PEBP4: variants seen among roughly 807,000 people sequenced by gnomAD.
PEBP4 encodes the protein phosphatidylethanolamine binding protein 4, also known as phosphatidylethanolamine-binding protein 4.
A neutral mutation model predicts 23.9 loss-of-function variants in PEBP4; 22 were observed. The observed-to-expected ratio is 0.92, with a 90% confidence interval of 0.66 to 1.31. The LOEUF is 1.31. PEBP4 is among the 40% of genes most tolerant of loss of function. The pLI is 0.00. For missense variants in PEBP4, 324 were observed against 281.7 expected, an observed-to-expected ratio of 1.15 and a Z score of -1.07; for synonymous variants, 112 against 99.3, an observed-to-expected ratio of 1.13 and a Z score of -0.76.
chr8:22,760,939 C>T (rs146624918), intron 4 of PEBP4, among the ~76,000 whole-genome samples: 278 of 152,310 alleles, frequency 1.8e-3, no homozygotes, highest in African/African-American at 6.0e-3. Context: ...AAGGAGGTTT[C>T]GCGCACACCA....
At chr8:22,888,928 G>T (rs141493821) in intron 3 of PEBP4, among the ~76,000 whole-genome samples, 77 of 152,318 alleles carry the variant, frequency 5.1e-4, no homozygotes, top group African/African-American at 1.7e-3. Context: ...CTGGCCACAG[G>T]CTTACTCCGC....
At chr8:22,720,898 G>T (rs1017124654) in intron 6 of PEBP4, among the ~76,000 whole-genome samples, 1 of 152,202 alleles carries the variant, frequency 6.6e-6, no homozygotes, top group Non-Finnish European at 1.5e-5. Flanking sequence ...CCAAAACAGC[G>T]CCAAGTATAC....
intron 3 of PEBP4, among the ~76,000 whole-genome samples, chr8:22,867,379 G>C (rs1382225433): frequency 6.6e-6 from 1 of 152,112 alleles, no homozygotes; most frequent in Non-Finnish European, 1.5e-5. Context: ...CTCTTGCTCA[G>C]ATCCGAGCCT....
Position 22,927,491 on chromosome 8 carries a change from G to C in PEBP4, c.131+93C>G. 2.1e-6 allele frequency: 3 copies of C among 1,431,190 alleles called. No individual in the cohort carries two copies. In the South Asian group the frequency reaches 4.4e-5, roughly 21 times the overall value. The allele number at this position is 1,431,190 out of a possible 1,614,324, so 88.7% of individuals were successfully genotyped here. The stretch of plus-strand genomic sequence containing the variant: ...CCTTCCCATAAAATCAGGCTCAGGA[G>C]ATGGTGCTTCTTGGTTCTGGATATA... On this transcript the variant is annotated intron_variant, in intron 2 of 6. Transcript: ENST00000256404.
At chr8:22,765,826 G>GTGGATCACCGCCATTCA (rs1297616692) in intron 4 of PEBP4, among the ~76,000 whole-genome samples, 1 of 100,380 alleles carries the variant, frequency 1.0e-5, no homozygotes, top group African/African-American at 3.8e-5. Context: ...ATCACCACCT[G>GTGGATCACCGCCATTCA]TGGATCACCA....
intron 3 of PEBP4, among the ~76,000 whole-genome samples, chr8:22,836,565 T>A (rs1007150400): frequency 2.0e-5 from 3 of 152,224 alleles, no homozygotes; most frequent in African/African-American, 7.2e-5. Context: ...CTCTAGAGCA[T>A]CTGCCCACTC....
intron 3 of PEBP4, among the ~76,000 whole-genome samples, chr8:22,841,137 T>C (rs1807320064): frequency 2.0e-5 from 3 of 152,224 alleles, no homozygotes; most frequent in Admixed American, 2.0e-4. Context: ...AAGAGAAAAC[T>C]GAGGCTTAGG....
chr8:22,886,966 G>C (rs1289985586), intron 3 of PEBP4: 2 of 152,246 alleles, frequency 1.3e-5, no homozygotes, highest in African/African-American at 4.8e-5. Context: ...CAAAGTTGCA[G>C]GGTGTAGGGG....
intron 4 of PEBP4, among the ~76,000 whole-genome samples, chr8:22,765,151 T>TCC (rs71206546): frequency 5.3e-4 from 80 of 151,682 alleles, no homozygotes; most frequent in South Asian, 4.8e-3. Context: ...CTTCCTTCCT[T>TCC]TCTTTCTTCT....
chr8:22,821,205 G>T (rs1806850449), intron 3 of PEBP4, among the ~76,000 whole-genome samples: 1 of 152,058 alleles, frequency 6.6e-6, no homozygotes. Context: ...AAAAACACAT[G>T]GGCTTTGGGA....
At position 22,927,889 on chromosome 8, in the gene PEBP4, C is replaced by A; in HGVS notation, c.-73G>T. The A allele has an allele frequency of 1.5e-6, 1 of 682,534 alleles. No individual in the cohort carries two copies. Among genetic ancestry groups the A allele is most frequent in the South Asian group, 2.1e-5 (1 of 47,866 alleles). 42.3% of individuals were successfully genotyped at this position (682,534 alleles called of 1,614,324 possible). ...CTCCGCAGCTAATCCAGTCCACCACCCGGACACAAGTACTTTGGGAGGACT... is the reference window on the plus strand; with the variant it reads ...CTCCGCAGCTAATCCAGTCCACCACACGGACACAAGTACTTTGGGAGGACT... On this transcript the variant is annotated 5_prime_UTR_variant, in exon 1 of 7. Coordinates refer to ENST00000256404, the MANE Select transcript of PEBP4 (RefSeq NM_144962.3).
chr8:22,804,663 C>T (rs1250400339), intron 4 of PEBP4, among the ~76,000 whole-genome samples: 2 of 152,120 alleles, frequency 1.3e-5, no homozygotes, highest in Non-Finnish European at 2.9e-5. Context: ...TCCCTTCGCC[C>T]AGATGCATAT....
chr8:22,762,353 A>T (rs1166488513), intron 4 of PEBP4, among the ~76,000 whole-genome samples: 1 of 152,134 alleles, frequency 6.6e-6, no homozygotes, highest in Non-Finnish European at 1.5e-5. Flanking sequence ...ATAAATATAT[A>T]TCTAGAAAAG....
intron 3 of PEBP4, among the ~76,000 whole-genome samples, chr8:22,912,670 G>A (rs1051843344): frequency 1.3e-5 from 2 of 152,194 alleles, no homozygotes; most frequent in African/African-American, 4.8e-5. Flanking sequence ...TCCTGCATAG[G>A]AAGTGTCTTT....
intron 3 of PEBP4, among the ~76,000 whole-genome samples, chr8:22,877,654 C>T (rs1394680592): frequency 2.0e-4 from 3 of 14,760 alleles, no homozygotes; most frequent in South Asian, 2.1e-3. Flanking sequence ...CAGGGGCCCA[C>T]CACCCCACCT....
chr8:22,916,630 G>A (rs188333008), intron 3 of PEBP4, among the ~76,000 whole-genome samples: 48 of 152,046 alleles, frequency 3.2e-4, no homozygotes, highest in Non-Finnish European at 5.7e-4. Flanking sequence ...CACTCCAGGA[G>A]ATGCTCTCCC....
At chr8:22,794,683 C>T (rs533516986) in intron 4 of PEBP4, among the ~76,000 whole-genome samples, 154 of 152,216 alleles carry the variant, frequency 1.0e-3, no homozygotes, top group African/African-American at 3.6e-3. Context: ...GTGCTGCTTG[C>T]TTCTTAATTT....
rs200222792 is a variant in PEBP4 at position 22,713,520 on chromosome 8, G to A, written c.534C>T (p.Asp178=). ...ENKTRGSWKM[D]RFLNRFHLGE... ...CCAGGTGGAAACGGTTCAGAAATCT[G>A]TCCATTTTCCAAGAGCCTGGAAGGA... is the stretch of plus-strand genomic sequence containing the variant. The change falls in exon 7 of 7, where the codon GAC becomes GAT. Residue 178 remains aspartate, a synonymous_variant. Coordinates refer to ENST00000256404, the MANE Select transcript of PEBP4 (RefSeq NM_144962.3). 61 of 1,614,176 alleles carry A rather than the reference G, an allele frequency of 3.8e-5. No individual in the cohort carries two copies. Among genetic ancestry groups the A allele is most frequent in the East Asian group, 3.6e-4 (16 of 44,886 alleles).
At chr8:22,899,577 C>A (rs1469354882) in intron 3 of PEBP4, among the ~76,000 whole-genome samples, 1 of 152,174 alleles carries the variant, frequency 6.6e-6, no homozygotes, top group African/African-American at 2.4e-5. Context: ...CTGCGACTCA[C>A]CCCGTTACCA....
Sources: allele counts gnomAD v4.1 joint callset (sites outside exome capture counted in the v4.1 genomes callset), GRCh38; gene constraint gnomAD v4.1.1; transcripts MANE v1.5; gene names NCBI Gene and HGNC (gene_info 2026-07-23, HGNC 2026-07-21).